Variants in GATB observed in about 807,000 individuals in gnomAD.
GATB encodes the protein glutamyl-tRNA amidotransferase subunit B, also known as glutamyl-tRNA(Gln) amidotransferase subunit B, mitochondrial.
A neutral mutation model predicts 62.3 loss-of-function variants in GATB; 39 were observed. The ratio of observed to expected loss-of-function variants is 0.63; its 90% CI spans 0.48 to 0.82. GATB has a LOEUF of 0.82. Ranked by LOEUF, GATB falls within the 40% of genes least tolerant of loss-of-function variation. The pLI is 0.00. For missense variants in GATB, 670 were observed against 684.0 expected (o/e 0.98, Z 0.23); for synonymous variants, 276 against 258.9 (o/e 1.07, Z -0.63).
At chr4:151,746,078 C>A (rs2126995702) in intron 2 of GATB, among the ~76,000 whole-genome samples, 1 of 152,170 alleles carries the variant, frequency 6.6e-6, no homozygotes. Flanking sequence ...ATCTACTGTG[C>A]CACACTGAGC....
At chr4:151,704,370 C>G (rs970685344) in intron 7 of GATB, among the ~76,000 whole-genome samples, 1 of 152,126 alleles carries the variant, frequency 6.6e-6, no homozygotes, top group Non-Finnish European at 1.5e-5. Flanking sequence ...GGGCCTAAAA[C>G]GAAGCCCTTG....
chr4:151,686,068 C>CA (rs141695189), intron 10 of GATB, among the ~76,000 whole-genome samples: 62,740 of 150,876 alleles, frequency 0.42, 13,513 homozygotes, highest in South Asian at 0.57. Flanking sequence ...CAAAACAAAA[C>CA]AAAAAAAAGA....
chr4:151,731,124 C>T (rs1010062379), intron 2 of GATB, among the ~76,000 whole-genome samples: 3 of 148,104 alleles, frequency 2.0e-5, no homozygotes, highest in Non-Finnish European at 4.5e-5. Context: ...CCTCTCCCCA[C>T]GGTCTCCCTC....
chr4:151,754,792 A>G (rs1739791453), intron 2 of GATB, among the ~76,000 whole-genome samples: 1 of 152,058 alleles, frequency 6.6e-6, no homozygotes, highest in Non-Finnish European at 1.5e-5. Flanking sequence ...AATTTTATCC[A>G]TATACTAGTT....
At chr4:151,680,862 A>C (rs1355796971) in intron 10 of GATB, among the ~76,000 whole-genome samples, 3 of 152,208 alleles carry the variant, frequency 2.0e-5, no homozygotes, top group Non-Finnish European at 4.4e-5. Flanking sequence ...CAATGCTCAA[A>C]AAGTTTTAGA....
chr4:151,731,167 C>T (rs1270573371), intron 2 of GATB, among the ~76,000 whole-genome samples: 1 of 151,476 alleles, frequency 6.6e-6, no homozygotes, highest in African/African-American at 2.4e-5. Flanking sequence ...GATGCCAAGC[C>T]GAGGCTGGAC....
chr4:151,712,077 GA>G (rs1738829325), intron 5 of GATB, among the ~76,000 whole-genome samples: 1 of 152,150 alleles, frequency 6.6e-6, no homozygotes, highest in South Asian at 2.1e-4. Context: ...TTTTAAAAAT[GA>G]AAGCATCTTT....
chr4:151,695,360 C>T (rs946866873), intron 9 of GATB, among the ~76,000 whole-genome samples: 1 of 152,132 alleles, frequency 6.6e-6, no homozygotes, highest in Non-Finnish European at 1.5e-5. Context: ...CAGAGCCCTC[C>T]CAGCTCCAAA....
chr4:151,732,040 G>A (rs1396599558), intron 2 of GATB, among the ~76,000 whole-genome samples: 4 of 110,822 alleles, frequency 3.6e-5, no homozygotes, highest in African/African-American at 1.4e-4. Context: ...CAGCCGCCCC[G>A]TCCGGGAGGG....
At chr4:151,723,222 G>A (rs1739065070) in intron 2 of GATB, 1 of 152,102 alleles carries the variant, frequency 6.6e-6, no homozygotes, top group Non-Finnish European at 1.5e-5. Flanking sequence ...TGTGTCAGGA[G>A]GTGTGCTGCA....
At chr4:151,714,261 G>T (rs1738872569) in intron 5 of GATB, among the ~76,000 whole-genome samples, 1 of 152,204 alleles carries the variant, frequency 6.6e-6, no homozygotes, top group South Asian at 2.1e-4. Context: ...AGCACCCTGG[G>T]TGTCCACTAG....
At position 151,719,489 on chromosome 4, in the gene GATB, AGAG is replaced by A. The variant is rs1344743488; in HGVS notation, c.374_376del (p.Ala125_Leu126delinsVal). ...GGACTTCTTGTTTATGTGGCAGTTC[AGAG>A]CCAGGCCTGTCATCACCGCCGCTTC... On this transcript the variant is annotated inframe_deletion, in exon 3 of 13. Coordinates refer to ENST00000263985, the MANE Select transcript of GATB (RefSeq NM_004564.3). 4 of 1,611,296 alleles carry A rather than the reference AGAG, an allele frequency of 2.5e-6. No homozygotes were observed. Among genetic ancestry groups the A allele is most frequent in the Non-Finnish European group, 3.4e-6 (4 of 1,178,868 alleles).
intron 1 of GATB, among the ~76,000 whole-genome samples, chr4:151,759,599 T>A (rs537279521): frequency 6.6e-6 from 1 of 152,314 alleles, no homozygotes; most frequent in African/African-American, 2.4e-5. Context: ...AATTTCAGGT[T>A]ACTTTTTTAA....
intron 2 of GATB, among the ~76,000 whole-genome samples, chr4:151,733,334 T>G (rs1236260794): frequency 6.6e-6 from 1 of 152,176 alleles, no homozygotes; most frequent in Non-Finnish European, 1.5e-5. Flanking sequence ...AAGGCTACTA[T>G]GAACACCTTT....
chr4:151,737,504 A>G (rs1739399412), intron 2 of GATB, among the ~76,000 whole-genome samples: 2 of 152,244 alleles, frequency 1.3e-5, no homozygotes, highest in Non-Finnish European at 2.9e-5. Flanking sequence ...ATGTGGTAGA[A>G]AAGAAAAACC....
At chr4:151,743,259 T>C (rs945017897) in intron 2 of GATB, among the ~76,000 whole-genome samples, 1 of 152,338 alleles carries the variant, frequency 6.6e-6, no homozygotes, top group East Asian at 1.9e-4. Context: ...GGAAATCCGA[T>C]GCACAGGGCC....
At chr4:151,734,736 A>G (rs992194814) in intron 2 of GATB, among the ~76,000 whole-genome samples, 1 of 152,242 alleles carries the variant, frequency 6.6e-6, no homozygotes, top group Non-Finnish European at 1.5e-5. Context: ...AAAAATAGGC[A>G]TAGACCAATG....
chr4:151,677,213 T>C (rs1169387038), intron 11 of GATB: 1 of 152,180 alleles, frequency 6.6e-6, no homozygotes, highest in Non-Finnish European at 1.5e-5. Context: ...GACTCTTCTA[T>C]TAAATTTGGA....
chr4:151,685,816 G>A (rs1404296311), intron 10 of GATB, among the ~76,000 whole-genome samples: 1 of 152,236 alleles, frequency 6.6e-6, no homozygotes, highest in Non-Finnish European at 1.5e-5. Flanking sequence ...GGGAGGCCAA[G>A]GCGGGCTGAT....
Sources: allele counts gnomAD v4.1 joint callset (sites outside exome capture counted in the v4.1 genomes callset), GRCh38; gene constraint gnomAD v4.1.1; transcripts MANE v1.5; gene names NCBI Gene and HGNC (gene_info 2026-07-23, HGNC 2026-07-21).